EFNA5: variants seen among roughly 807,000 people sequenced by gnomAD.
EFNA5 encodes the protein ephrin-A5.
EFNA5 carries 5 observed loss-of-function variants against 22.9 expected under a neutral mutation model. The ratio of observed to expected loss-of-function variants is 0.22; its 90% CI spans 0.11 to 0.46. EFNA5 has a LOEUF of 0.46. Ranked by LOEUF, EFNA5 falls within the 20% of genes least tolerant of loss-of-function variation. The pLI is 0.99. For synonymous variants in EFNA5, 113 were observed against 112.2 expected, an observed-to-expected ratio of 1.01 and a Z score of -0.04; for missense variants, 237 against 293.3, an observed-to-expected ratio of 0.81 and a Z score of 1.40.
Position 107,494,520 on chromosome 5 carries a change from C to T in EFNA5, c.126-67011G>A, listed in dbSNP as rs183991051. Among the ~76,000 whole-genome samples the T allele has an allele frequency of 7.8e-3, 1,193 of 152,288 alleles. 11 individuals carry two copies. Among genetic ancestry groups the T allele is most frequent in the African/African-American group, 0.027 (1,122 of 41,572 alleles). Reference sequence around the variant, plus strand: ...GGACCTGCAGCCCGCCATACCTGAGCCTCCCACCCTCTGCTCCATGGCACC... The same window carrying T: ...GGACCTGCAGCCCGCCATACCTGAGTCTCCCACCCTCTGCTCCATGGCACC... On this transcript the variant is annotated intron_variant, in intron 1 of 4. Transcript: ENST00000333274.
intron 1 of EFNA5, among the ~76,000 whole-genome samples, chr5:107,632,856 C>T (rs913621078): frequency 1.3e-5 from 2 of 152,148 alleles, no homozygotes; most frequent in African/African-American, 4.8e-5. Context: ...TCTACTAATG[C>T]ACCCCAAAAT....
chr5:107,578,569 GT>G (rs576217964), intron 1 of EFNA5, among the ~76,000 whole-genome samples: 51 of 151,136 alleles, frequency 3.4e-4, no homozygotes, highest in Middle Eastern at 3.4e-3. Context: ...TGTAATATAT[GT>G]AAAAGAATAC....
At chr5:107,452,145 A>G (rs1362683734) in intron 1 of EFNA5, among the ~76,000 whole-genome samples, 3 of 152,090 alleles carry the variant, frequency 2.0e-5, no homozygotes, top group African/African-American at 7.2e-5. Flanking sequence ...TCTCACTCAT[A>G]AGTAGGAGCT....
At chr5:107,565,514 G>A (rs1437151885) in intron 1 of EFNA5, among the ~76,000 whole-genome samples, 1 of 152,116 alleles carries the variant, frequency 6.6e-6, no homozygotes, top group Non-Finnish European at 1.5e-5. Context: ...ATGTTTGTGT[G>A]TATAAATTTA....
At chr5:107,591,352 A>G (rs1366864397) in intron 1 of EFNA5, among the ~76,000 whole-genome samples, 1 of 152,138 alleles carries the variant, frequency 6.6e-6, no homozygotes, top group Non-Finnish European at 1.5e-5. Flanking sequence ...AGAGCTGAAC[A>G]CCAGGTACCC....
rs910706169 is a variant in EFNA5, at chr5:107,380,614, G to C, written c.*641C>G. The C allele has an allele frequency of 2.7e-6, 1 of 373,148 alleles. No homozygotes were observed. Among genetic ancestry groups the C allele is most frequent in the Admixed American group, 4.6e-5 (1 of 21,724 alleles). The allele number at this position is 373,148 out of a possible 1,614,324, so 23.1% of individuals were successfully genotyped here. ...AAAAGGCTTCTTTTAGAGAGCACAA[G>C]TTTTGCTGTCAAGAATGCTTTAAGA... On this transcript the variant is annotated 3_prime_UTR_variant, in exon 5 of 5. Transcript: ENST00000333274.
intron 1 of EFNA5, among the ~76,000 whole-genome samples, chr5:107,548,282 C>T (rs1966892): frequency 0.16 from 23,888 of 152,136 alleles, 1,999 homozygotes; most frequent in African/African-American, 0.23. Context: ...TTAGAACCAA[C>T]ATAAATTTTA....
chr5:107,433,044 TAGAAA>T (rs1407859147), intron 1 of EFNA5, among the ~76,000 whole-genome samples: 12 of 152,342 alleles, frequency 7.9e-5, no homozygotes, highest in South Asian at 6.2e-4. Flanking sequence ...ATGTTTAACA[TAGAAA>T]ATATGCATTG....
At chr5:107,656,015 C>T (rs559118308) in intron 1 of EFNA5, among the ~76,000 whole-genome samples, 24 of 152,250 alleles carry the variant, frequency 1.6e-4, no homozygotes, top group African/African-American at 5.5e-4. Context: ...ATCCCAGGGA[C>T]AGCCCAGCTG....
intron 1 of EFNA5, among the ~76,000 whole-genome samples, chr5:107,531,423 A>T (rs1171350753): frequency 6.6e-6 from 1 of 152,238 alleles, no homozygotes; most frequent in African/African-American, 2.4e-5. Flanking sequence ...CGAAGGCAGG[A>T]CAGATGAGGA....
At chr5:107,426,981 C>A in intron 2 of EFNA5, 1 of 478,798 alleles carries the variant, frequency 2.1e-6, no homozygotes, top group Non-Finnish European at 3.7e-6. Flanking sequence ...TACAAGTCAG[C>A]AGTGGTTCAG....
chr5:107,438,811 G>T (rs77530033), intron 1 of EFNA5, among the ~76,000 whole-genome samples: 1 of 152,094 alleles, frequency 6.6e-6, no homozygotes, highest in Non-Finnish European at 1.5e-5. Flanking sequence ...TGTACTAACT[G>T]CTCCAGGCCA....
intron 1 of EFNA5, among the ~76,000 whole-genome samples, chr5:107,479,201 C>T (rs1249825566): frequency 1.3e-5 from 2 of 152,104 alleles, no homozygotes; most frequent in Non-Finnish European, 2.9e-5. Context: ...AACAAGTTGG[C>T]AATTTTCAAT....
chr5:107,397,954 G>A (rs1184394071), intron 2 of EFNA5, among the ~76,000 whole-genome samples: 2 of 152,164 alleles, frequency 1.3e-5, no homozygotes, highest in Non-Finnish European at 2.9e-5. Context: ...TAATGGCTGT[G>A]CATTCCCATT....
At chr5:107,582,625 T>C (rs1012966895) in intron 1 of EFNA5, among the ~76,000 whole-genome samples, 3 of 152,132 alleles carry the variant, frequency 2.0e-5, no homozygotes, top group East Asian at 3.8e-4. Context: ...TCCATTACTG[T>C]CCAAATGATA....
At chr5:107,538,450 C>A (rs1056604589) in intron 1 of EFNA5, among the ~76,000 whole-genome samples, 3 of 152,092 alleles carry the variant, frequency 2.0e-5, no homozygotes, top group Non-Finnish European at 4.4e-5. Flanking sequence ...AATTTAGATG[C>A]CCAAATTGAA....
At chr5:107,435,579 A>C (rs1455272591) in intron 1 of EFNA5, among the ~76,000 whole-genome samples, 1 of 152,150 alleles carries the variant, frequency 6.6e-6, no homozygotes, top group Non-Finnish European at 1.5e-5. Context: ...GTGAAGGCTG[A>C]ATGAGACCTT....
chr5:107,637,319 T>C (rs898189999), intron 1 of EFNA5, among the ~76,000 whole-genome samples: 2 of 152,166 alleles, frequency 1.3e-5, no homozygotes, highest in Non-Finnish European at 2.9e-5. Context: ...TTTCAATCTA[T>C]AATATTTAGA....
intron 1 of EFNA5, among the ~76,000 whole-genome samples, chr5:107,621,081 CCTTT>C (rs1386841538): frequency 2.0e-5 from 3 of 152,140 alleles, no homozygotes; most frequent in African/African-American, 7.2e-5. Flanking sequence ...AAAGAATCAT[CCTTT>C]AGGAAATGTG....
Sources: gnomAD v4.1 joint callset for allele counts (sites outside exome capture counted in the v4.1 genomes callset) on GRCh38, gnomAD v4.1.1 for gene constraint, MANE v1.5 for transcripts, NCBI Gene and HGNC (gene_info 2026-07-23, HGNC 2026-07-21) for gene names.